Variants in FREM3 observed in about 807,000 individuals in gnomAD.
The protein encoded by FREM3 is FRAS1-related extracellular matrix protein 3.
In FREM3, 105 loss-of-function variants were observed where a neutral mutation model predicts 129.1. The observed-to-expected ratio is 0.81, with a 90% CI of 0.69 to 0.96. The LOEUF is 0.96. Among genes scored for constraint, FREM3 ranks in the 40% least tolerant of loss-of-function variants. The pLI, the probability that FREM3 is intolerant of heterozygous loss-of-function variation, is 0.00. For missense variants in FREM3, 2,593 were observed against 2,666.3 expected (o/e 0.97, Z 0.61); for synonymous variants, 1,014 against 1,044.9 (o/e 0.97, Z 0.57).
At chr4:143,641,004 A>G (rs866089846) in intron 2 of FREM3, among the ~76,000 whole-genome samples, 2 of 152,314 alleles carry the variant, frequency 1.3e-5, no homozygotes, top group Middle Eastern at 6.8e-3. Flanking sequence ...TATAATAAAT[A>G]AAAACAAATA....
intron 2 of FREM3, among the ~76,000 whole-genome samples, chr4:143,679,189 G>C (rs1437848218): frequency 1.3e-5 from 2 of 152,058 alleles, no homozygotes; most frequent in Non-Finnish European, 2.9e-5. Flanking sequence ...CTAAATTCAG[G>C]TATTTATTTG....
Position 143,693,173 on chromosome 4 carries a change from CAT to C in FREM3, c.5213_5214del (p.Tyr1738CysfsTer4). ...QADIDEMKISYVLNEGSNASK... is the reference protein window; with the variant it reads ...QADIDEMKISXVLNEGSNASK... ...GATGCGTTGCTGCCCTCATTCAAGACATAGGATATCTTCATCTCATCAATGTC... is the reference window on the plus strand; with the variant it reads ...GATGCGTTGCTGCCCTCATTCAAGACAGGATATCTTCATCTCATCAATGTC... On this transcript the variant is annotated frameshift_variant, in exon 2 of 8. Transcript: ENST00000329798. LOFTEE classifies it high-confidence loss of function. 6.6e-7 allele frequency: 1 copy of C among 1,513,860 alleles called. No homozygotes were observed. The highest frequency in any genetic ancestry group is 8.8e-7 in the Non-Finnish European group (1 of 1,133,524). The allele number at this position is 1,513,860 out of a possible 1,614,324, so 93.8% of individuals were successfully genotyped here. A position where few individuals can be genotyped will look rare whatever the true frequency, so the allele number is the denominator to read the frequency against.
At chr4:143,598,232 A>C (rs985659441) in intron 6 of FREM3, among the ~76,000 whole-genome samples, 17 of 152,220 alleles carry the variant, frequency 1.1e-4, no homozygotes, top group Admixed American at 2.0e-4. Flanking sequence ...TGAGGCAGGT[A>C]GACAGAAGCC....
chr4:143,694,647 T>A (rs774243234), intron 1 of FREM3, among the ~76,000 whole-genome samples: 1 of 152,238 alleles, frequency 6.6e-6, no homozygotes, highest in Admixed American at 6.5e-5. Flanking sequence ...TTTTTTGTTG[T>A]TGTTATACTT....
chr4:143,675,814 A>G (rs962079498), intron 2 of FREM3, among the ~76,000 whole-genome samples: 5 of 152,244 alleles, frequency 3.3e-5, no homozygotes, highest in Non-Finnish European at 7.3e-5. Context: ...ATTCCTCCAC[A>G]CGTACACCCT....
Position 143,698,455 on chromosome 4 carries a change from A to T in FREM3, c.2221T>A (p.Trp741Arg), listed in dbSNP as rs1355475611. ...IDQDSDDQNLWYTLLTLPTDT... is the reference protein window; with the variant it reads ...IDQDSDDQNLRYTLLTLPTDT... ...GTCGGGAGTGTCAGTAGGGTGTACC[A>T]TAGGTTCTGGTCATCAGAGTCCTGG... is the stretch of plus-strand genomic sequence containing the variant. Residue 741 changes from tryptophan (W) to arginine (R), a missense_variant, in exon 1 of 8, where the codon TGG (tryptophan) becomes AGG (arginine). By Grantham distance (101) the Trp-to-Arg change is moderately radical (BLOSUM62 -3). Transcript: ENST00000329798. 2.2e-5 allele frequency: 34 copies of T among 1,537,728 alleles called. No individual in the cohort carries two copies. Among genetic ancestry groups the T allele is most frequent in the Non-Finnish European group, 2.4e-5 (28 of 1,147,064 alleles).
Position 143,699,028 on chromosome 4 carries a change from T to C in FREM3, c.1648A>G (p.Thr550Ala), listed in dbSNP as rs1408641521. The C allele has an allele frequency of 1.3e-6, 2 of 1,537,228 alleles. No individual in the cohort carries two copies. The highest frequency in any genetic ancestry group is 1.7e-6 in the Non-Finnish European group (2 of 1,146,904). The change falls in exon 1 of 8, where the codon ACA becomes GCA. Residue 550 changes from threonine to alanine, a missense_variant. Coordinates refer to ENST00000329798, the MANE Select transcript of FREM3 (RefSeq NM_001168235.2). The surrounding 1 kb of genome is among the most constrained non-coding windows in gnomAD (Gnocchi z 4.2). ...DDEPPMVNTN[T>A]GLSLTEGQVV... ...TGCCCTTCAGTGAGTGAGAGTCCTG[T>C]GTTAGTATTGACCATTGGTGGTTCA...
At chr4:143,647,432 C>T (rs949278226) in intron 2 of FREM3, among the ~76,000 whole-genome samples, 5 of 152,158 alleles carry the variant, frequency 3.3e-5, no homozygotes, top group African/African-American at 1.2e-4. Flanking sequence ...AAAATGTCTC[C>T]AGGTCATATC....
intron 2 of FREM3, among the ~76,000 whole-genome samples, chr4:143,641,105 A>G (rs1739314580): frequency 6.6e-6 from 1 of 152,200 alleles, no homozygotes; most frequent in Non-Finnish European, 1.5e-5. Flanking sequence ...CATAGCAGAC[A>G]GCCCAAGGGT....
In FREM3 at chr4:143,656,686, G is replaced by A. The variant is rs567576252; in HGVS notation, c.5276-28926C>T. Among the ~76,000 whole-genome samples, 22 of 152,264 alleles carry A rather than the reference G, an allele frequency of 1.4e-4. No homozygotes were observed. The South Asian group carries it at 3.9e-3, about 27-fold the overall frequency. On this transcript the variant is annotated intron_variant, in intron 2 of 7. Coordinates refer to ENST00000329798, the MANE Select transcript of FREM3 (RefSeq NM_001168235.2). ...AGGGGTGGCGGAAATGGAAATGACT[G>A]TATGAAATTTATTTTTGGAGGATAT...
rs1254325857 is a variant in FREM3 at position 143,590,152 on chromosome 4, T to A, written c.6029-4159A>T. Among the ~76,000 whole-genome samples, 5 of 152,036 alleles carry A rather than the reference T, an allele frequency of 3.3e-5. No individual in the cohort carries two copies. In the East Asian group the frequency reaches 9.6e-4, roughly 29 times the overall value. ...GAGATTTTGGGCTGAGACGATGGGG[T>A]TTTCTAGATATACAATCATGTCATC... On this transcript the variant is annotated intron_variant, in intron 6 of 7. Coordinates refer to ENST00000329798, the MANE Select transcript of FREM3 (RefSeq NM_001168235.2).
Position 143,699,446 on chromosome 4 carries a change from G to T in FREM3, c.1230C>A (p.Asp410Glu). The T allele has an allele frequency of 6.5e-7, 1 of 1,537,272 alleles. No individual in the cohort carries two copies. Among genetic ancestry groups the T allele is most frequent in the Non-Finnish European group, 8.7e-7 (1 of 1,146,920 alleles). The stretch of plus-strand genomic sequence containing the variant: ...AGGGGTCTGAGGCGGCGCCGTCTCC[G>T]TCCACCACCTCCAGCTCCAGCTGAA... The part of the protein sequence containing the change: ...RLFQLELEVV[D>E]GDGAASDPFA... Residue 410 changes from aspartate to glutamate, a missense_variant, in exon 1 of 8, where the codon GAC becomes GAA. Transcript: ENST00000329798. This position sits in a 1 kb window ranked among gnomAD's most constrained non-coding sequence, Gnocchi z 4.2.
At chr4:143,597,133 C>T (rs1308231141) in intron 6 of FREM3, among the ~76,000 whole-genome samples, 1 of 151,716 alleles carries the variant, frequency 6.6e-6, no homozygotes. Flanking sequence ...AACAAACAGA[C>T]AGAAAAATAA....
chr4:143,668,284 A>C (rs2149854938), intron 2 of FREM3, among the ~76,000 whole-genome samples: 1 of 152,332 alleles, frequency 6.6e-6, no homozygotes, highest in South Asian at 2.1e-4. Context: ...GCAGAGGTAG[A>C]AAGAAGAAAA....
At chr4:143,621,768 A>G (rs1356257248) in intron 4 of FREM3, among the ~76,000 whole-genome samples, 1 of 152,222 alleles carries the variant, frequency 6.6e-6, no homozygotes, top group African/African-American at 2.4e-5. Flanking sequence ...ACACCTAGAC[A>G]TAATCAAAAC....
intron 6 of FREM3, among the ~76,000 whole-genome samples, chr4:143,597,709 C>G (rs529841569): frequency 6.6e-6 from 1 of 152,252 alleles, no homozygotes; most frequent in South Asian, 2.1e-4. Context: ...ATAAACTTAA[C>G]TAAGGCAGGG....
chr4:143,587,459 A>G (rs1738262472), intron 6 of FREM3, among the ~76,000 whole-genome samples: 2 of 152,168 alleles, frequency 1.3e-5, no homozygotes, highest in South Asian at 4.1e-4. Flanking sequence ...CTTTTTAATG[A>G]ACATGTAGTA....
rs1221102895 is a variant in FREM3 at position 143,695,980 on chromosome 4, C to T, written c.4696G>A (p.Asp1566Asn). 3 of 1,537,852 alleles carry T rather than the reference C, an allele frequency of 2.0e-6. No homozygotes were observed. The highest frequency in any genetic ancestry group is 1.7e-6 in the Non-Finnish European group (2 of 1,147,058). Reference sequence around the variant, plus strand: ...AAGAGAATAAGGTCATCTGGGGTATCACTGTCTTCCACTGTCAACTCAAGG... The same window carrying T: ...AAGAGAATAAGGTCATCTGGGGTATTACTGTCTTCCACTGTCAACTCAAGG... ...TLLELTVEDS[D>N]TPDDLILFTI... The change falls in exon 1 of 8, where the codon GAT becomes AAT. Residue 1566 changes from aspartate (D) to asparagine (N), a missense_variant. This residue lies in a region of FREM3 where 2,276 missense variants were observed against 2,267.2 expected (regional missense o/e 1.00). Transcript: ENST00000329798.
At chr4:143,660,110 G>T (rs1234641542) in intron 2 of FREM3, among the ~76,000 whole-genome samples, 16 of 147,130 alleles carry the variant, frequency 1.1e-4, no homozygotes, top group African/African-American at 2.6e-4. Flanking sequence ...GTCAATTTTG[G>T]CTTTTGTTGC....
Sources: allele counts gnomAD v4.1 joint callset (sites outside exome capture counted in the v4.1 genomes callset), GRCh38; gene constraint gnomAD v4.1.1; regional missense constraint gnomAD v4.1.1; non-coding constraint Gnocchi (gnomAD v3.1); transcripts MANE v1.5; gene names NCBI Gene and HGNC (gene_info 2026-07-23, HGNC 2026-07-21).